DLG2: variants seen among roughly 807,000 people sequenced by gnomAD.
DLG2 encodes the protein discs large MAGUK scaffold protein 2, also known as disks large homolog 2.
DLG2 carries 45 observed loss-of-function variants against 132.5 expected under a neutral mutation model. The observed-to-expected ratio is 0.34, with a 90% CI of 0.27 to 0.44. The LOEUF (loss-of-function observed/expected upper bound fraction) is 0.44, where lower values mean the gene tolerates loss of function less well. Ranked by LOEUF, DLG2 falls within the 20% of genes least tolerant of loss-of-function variation. The pLI, the probability that DLG2 is intolerant of heterozygous loss-of-function variation, is 1.00. For synonymous variants in DLG2, 424 were observed against 419.6 expected, an observed-to-expected ratio of 1.01 and a Z score of -0.13; for missense variants, 1,045 against 1,196.9, an observed-to-expected ratio of 0.87 and a Z score of 1.87.
At chr11:83,668,669 G>A (rs1401814503) in intron 18 of DLG2, among the ~76,000 whole-genome samples, 1 of 148,826 alleles carries the variant, frequency 6.7e-6, no homozygotes, top group Non-Finnish European at 1.5e-5. Context: ...ATATGTATAA[G>A]TATATATGTA....
intron 7 of DLG2, among the ~76,000 whole-genome samples, chr11:84,339,978 G>A (rs1405729341): frequency 6.6e-6 from 1 of 152,156 alleles, no homozygotes; most frequent in Non-Finnish European, 1.5e-5. Context: ...TTAGAGATTA[G>A]GCTTGTGTGT....
chr11:85,370,926 ATGTC>A (rs1345254512), intron 3 of DLG2, among the ~76,000 whole-genome samples: 13 of 152,162 alleles, frequency 8.5e-5, no homozygotes, highest in African/African-American at 3.1e-4. Context: ...TAAAATTCTA[ATGTC>A]TAAGTATATG....
At chr11:83,497,632 G>T (rs982810291) in intron 21 of DLG2, among the ~76,000 whole-genome samples, 1 of 151,222 alleles carries the variant, frequency 6.6e-6, no homozygotes, top group Admixed American at 6.6e-5. Context: ...TTTTTTTCAT[G>T]AATTTAATCT....
At chr11:85,387,727 G>C (rs2152940395) in intron 3 of DLG2, among the ~76,000 whole-genome samples, 1 of 152,298 alleles carries the variant, frequency 6.6e-6, no homozygotes, top group African/African-American at 2.4e-5. Context: ...TATTTGAAGA[G>C]GGACATATCA....
chr11:83,587,407 C>A (rs1018960721), intron 19 of DLG2, among the ~76,000 whole-genome samples: 2 of 152,104 alleles, frequency 1.3e-5, no homozygotes, highest in East Asian at 3.9e-4. Context: ...GTAGCTGGGA[C>A]CACAGGTGCA....
At chr11:84,692,691 A>G (rs2058180613) in intron 6 of DLG2, among the ~76,000 whole-genome samples, 1 of 151,762 alleles carries the variant, frequency 6.6e-6, no homozygotes, top group Admixed American at 6.6e-5. Context: ...AGTGTAAAAC[A>G]CTATGCAAAG....
chr11:84,727,408 T>C (rs1451487558), intron 6 of DLG2, among the ~76,000 whole-genome samples: 2 of 152,020 alleles, frequency 1.3e-5, no homozygotes, highest in Admixed American at 1.3e-4. Flanking sequence ...TGGTTTTATA[T>C]GGTGGTGTTA....
rs115058850 is a variant in DLG2, at chr11:83,712,936, C to T, written c.1825+73754G>A. On this transcript the variant is annotated intron_variant, in intron 18 of 27. Coordinates refer to ENST00000376104, the MANE Select transcript of DLG2 (RefSeq NM_001142699.3). ...CAAGTTTACCTATGTAATAAACCTG[C>T]GCATCCTGCCCATGTACCCCGGAAC... 6.1e-3 allele frequency among the ~76,000 whole-genome samples: 917 copies of T among 150,524 alleles called. 7 individuals carry two copies. Among genetic ancestry groups the T allele is most frequent in the African/African-American group, 0.021 (842 of 40,800 alleles).
At chr11:84,819,427 G>T (rs1394164147) in intron 6 of DLG2, among the ~76,000 whole-genome samples, 1 of 151,800 alleles carries the variant, frequency 6.6e-6, no homozygotes, top group Non-Finnish European at 1.5e-5. Flanking sequence ...GTCCTCTTCA[G>T]ATTCAAATGT....
At chr11:83,879,615 T>C (rs2065648761) in intron 15 of DLG2, among the ~76,000 whole-genome samples, 1 of 152,168 alleles carries the variant, frequency 6.6e-6, no homozygotes. Flanking sequence ...TTTAACATAA[T>C]TAAAACGTCA....
chr11:83,738,288 C>T (rs1593371437), intron 18 of DLG2, among the ~76,000 whole-genome samples: 1 of 152,118 alleles, frequency 6.6e-6, no homozygotes, highest in African/African-American at 2.4e-5. Flanking sequence ...CTGACATTTA[C>T]CAATTTAGGC....
intron 6 of DLG2, among the ~76,000 whole-genome samples, chr11:84,959,424 G>A (rs898877447): frequency 3.3e-5 from 5 of 152,136 alleles, no homozygotes; most frequent in African/African-American, 1.2e-4. Flanking sequence ...TTAATTGGGT[G>A]AAAGGGCATG....
At chr11:84,125,960 C>A (rs914367414) in intron 9 of DLG2, among the ~76,000 whole-genome samples, 1 of 152,102 alleles carries the variant, frequency 6.6e-6, no homozygotes. Flanking sequence ...ATTCTAAAAT[C>A]AAGTTTTTTC....
At chr11:83,932,336 G>A (rs151044474) in intron 14 of DLG2, among the ~76,000 whole-genome samples, 1,998 of 151,666 alleles carry the variant, frequency 0.013, 49 homozygotes, top group African/African-American at 0.046. Context: ...CTGGGTTCAC[G>A]CCATTCTCCT....
chr11:85,488,832 C>A (rs1597846612), intron 3 of DLG2, among the ~76,000 whole-genome samples: 1 of 152,060 alleles, frequency 6.6e-6, no homozygotes, highest in Non-Finnish European at 1.5e-5. Context: ...CACCACTATA[C>A]AAACCCTAAA....
chr11:85,525,184 T>A (rs1433735470), intron 3 of DLG2, among the ~76,000 whole-genome samples: 2 of 152,238 alleles, frequency 1.3e-5, no homozygotes, highest in South Asian at 2.1e-4. Context: ...CCTTTGATTA[T>A]CTCAGTAGAT....
At chr11:84,794,581 AC>A (rs2074304327) in intron 6 of DLG2, among the ~76,000 whole-genome samples, 1 of 152,188 alleles carries the variant, frequency 6.6e-6, no homozygotes, top group African/African-American at 2.4e-5. Context: ...AGCTGCAGCC[AC>A]CCAGGGGTGG....
intron 6 of DLG2, among the ~76,000 whole-genome samples, chr11:84,859,598 T>C (rs913308063): frequency 6.6e-6 from 1 of 151,614 alleles, no homozygotes. Context: ...TAGATAATAA[T>C]GAATTTGTGG....
intron 6 of DLG2, among the ~76,000 whole-genome samples, chr11:84,995,183 TA>T (rs1278198727): frequency 6.6e-6 from 1 of 152,186 alleles, no homozygotes; most frequent in African/African-American, 2.4e-5. Context: ...ATAGAGTAAG[TA>T]AGGCCAGTAT....
Sources: gnomAD v4.1 joint callset for allele counts (sites outside exome capture counted in the v4.1 genomes callset) on GRCh38, gnomAD v4.1.1 for gene constraint, MANE v1.5 for transcripts, NCBI Gene and HGNC (gene_info 2026-07-23, HGNC 2026-07-21) for gene names.